TSHZ3: variants seen among roughly 807,000 people sequenced by gnomAD.
TSHZ3 encodes teashirt zinc finger homeobox 3, also known as teashirt homolog 3.
TSHZ3 carries 10 observed loss-of-function variants against 64.5 expected under a neutral mutation model. The ratio of observed to expected loss-of-function variants is 0.16; its 90% CI spans 0.10 to 0.26. TSHZ3 has a LOEUF of 0.26. TSHZ3 is among the 10% of genes least tolerant of loss of function. TSHZ3 has a pLI of 1.00. For synonymous variants in TSHZ3, 608 were observed against 593.1 expected (o/e 1.03, Z -0.36); for missense variants, 1,242 against 1,421.7 (o/e 0.87, Z 2.03).
intron 1 of TSHZ3, among the ~76,000 whole-genome samples, chr19:31,326,624 A>G (rs1178227215): frequency 6.6e-6 from 1 of 152,220 alleles, no homozygotes; most frequent in Non-Finnish European, 1.5e-5. Flanking sequence ...TCACTTTCTC[A>G]TGGGGCTGAA....
At chr19:31,214,494 T>C (rs569263880) in intron 4 of TSHZ3, among the ~76,000 whole-genome samples, 2 of 152,348 alleles carry the variant, frequency 1.3e-5, no homozygotes, top group East Asian at 3.9e-4. Context: ...TTCTTGAGTT[T>C]TATTCAGCTC....
At chr19:31,305,681 G>A (rs1409972709) in intron 1 of TSHZ3, 1 of 152,214 alleles carries the variant, frequency 6.6e-6, no homozygotes, top group African/African-American at 2.4e-5. Flanking sequence ...GTGATAAAGA[G>A]AGGAAAACAG....
chr19:31,262,555 T>C (rs1975993340), intron 1 of TSHZ3, among the ~76,000 whole-genome samples: 1 of 152,242 alleles, frequency 6.6e-6, no homozygotes, highest in South Asian at 2.1e-4. Flanking sequence ...AATTTGCATT[T>C]GCATTTTGAA....
intron 5 of TSHZ3, among the ~76,000 whole-genome samples, chr19:31,197,836 T>C (rs1169722611): frequency 2.0e-5 from 3 of 152,048 alleles, no homozygotes; most frequent in Non-Finnish European, 4.4e-5. Flanking sequence ...GCACCAGCTC[T>C]AGATGGCTTT....
At chr19:31,208,386 C>A (rs1975215114) in intron 4 of TSHZ3, among the ~76,000 whole-genome samples, 1 of 152,094 alleles carries the variant, frequency 6.6e-6, no homozygotes, top group South Asian at 2.1e-4. Flanking sequence ...AAAGAGAGTC[C>A]AATTGGCCGA....
At chr19:31,187,399 GT>G (rs34701889) in intron 5 of TSHZ3, among the ~76,000 whole-genome samples, 104,741 of 149,460 alleles carry the variant, frequency 0.7, 36,629 homozygotes, top group African/African-American at 0.78. Flanking sequence ...GTTTAATCGT[GT>G]TTTTTTTTTT....
chr19:31,183,192 C>CTCTCTCTCTCTCTCTCTCTCTT, intron 5 of TSHZ3, among the ~76,000 whole-genome samples: 1 of 61,064 alleles, frequency 1.6e-5, no homozygotes, highest in South Asian at 5.6e-4. Context: ...CTCTCTCTCT[C>CTCTCTCTCTCTCTCTCTCTCTT]TCTCTCTCTC....
chr19:31,236,514 T>C (rs1257998421), intron 3 of TSHZ3, among the ~76,000 whole-genome samples: 4 of 152,216 alleles, frequency 2.6e-5, no homozygotes, highest in Admixed American at 1.3e-4. Flanking sequence ...ATTGTTCGAG[T>C]TCTTTTAAAA....
chr19:31,157,100 AT>A (rs34441625), intron 5 of TSHZ3, among the ~76,000 whole-genome samples: 44,276 of 151,464 alleles, frequency 0.29, 6,614 homozygotes, highest in East Asian at 0.43. Context: ...CTAACCTGGC[AT>A]TTTTTTTTGT....
At chr19:31,294,500 A>T (rs905903407) in intron 1 of TSHZ3, among the ~76,000 whole-genome samples, 65 of 152,300 alleles carry the variant, frequency 4.3e-4, no homozygotes, top group African/African-American at 1.5e-3. Context: ...ACATGCACCC[A>T]GGCCTCACTA....
At chr19:31,336,009 T>C (rs1282631889) in intron 1 of TSHZ3, among the ~76,000 whole-genome samples, 3 of 152,274 alleles carry the variant, frequency 2.0e-5, no homozygotes, top group Non-Finnish European at 4.4e-5. Flanking sequence ...CTCAAAAATG[T>C]GTTGCTTTCT....
chr19:31,188,297 T>A (rs1974844432), intron 5 of TSHZ3, among the ~76,000 whole-genome samples: 1 of 151,970 alleles, frequency 6.6e-6, no homozygotes, highest in African/African-American at 2.4e-5. Context: ...ATTTTCTACA[T>A]GTACAATTCT....
At chr19:31,333,252 G>A (rs192110509) in intron 1 of TSHZ3, among the ~76,000 whole-genome samples, 5 of 152,208 alleles carry the variant, frequency 3.3e-5, no homozygotes, top group Admixed American at 3.3e-4. Flanking sequence ...ACCAAGGGAG[G>A]GCGAAGAGCA....
chr19:31,160,723 TACAC>T (rs559926545), intron 5 of TSHZ3, among the ~76,000 whole-genome samples: 8 of 151,660 alleles, frequency 5.3e-5, no homozygotes, highest in South Asian at 2.1e-4. Flanking sequence ...TATATACACA[TACAC>T]ACACGTATAC....
At chr19:31,299,181 C>T (rs573581694) in intron 1 of TSHZ3, among the ~76,000 whole-genome samples, 2 of 152,164 alleles carry the variant, frequency 1.3e-5, no homozygotes, top group African/African-American at 2.4e-5. Context: ...GGTGACAGGG[C>T]GAGACTCCAT....
At chr19:31,343,245 C>T (rs1347250998) in intron 1 of TSHZ3, among the ~76,000 whole-genome samples, 3 of 152,090 alleles carry the variant, frequency 2.0e-5, no homozygotes, top group Non-Finnish European at 4.4e-5. Context: ...TATCATTAAG[C>T]CCAAACAAAT....
chr19:31,280,348 T>C (rs1293067772), intron 1 of TSHZ3, among the ~76,000 whole-genome samples: 1 of 152,020 alleles, frequency 6.6e-6, no homozygotes, highest in East Asian at 1.9e-4. Context: ...TTTTTTTTTT[T>C]CTTTCTTCCT....
intron 1 of TSHZ3, among the ~76,000 whole-genome samples, chr19:31,262,429 C>T (rs868032473): frequency 6.6e-6 from 1 of 152,176 alleles, no homozygotes; most frequent in Non-Finnish European, 1.5e-5. Flanking sequence ...GAGCTCCCCC[C>T]TCCCACTCCA....
chr19:31,331,938 G>A (rs1917107745), intron 1 of TSHZ3, among the ~76,000 whole-genome samples: 1 of 152,186 alleles, frequency 6.6e-6, no homozygotes, highest in Admixed American at 6.5e-5. Context: ...CAGGGGCAAG[G>A]AGGAGGAAGG....
Sources: gnomAD v4.1 joint callset for allele counts (sites outside exome capture counted in the v4.1 genomes callset) on GRCh38, gnomAD v4.1.1 for gene constraint, MANE v1.5 for transcripts, NCBI Gene and HGNC (gene_info 2026-07-23, HGNC 2026-07-21) for gene names.